Variants in MAMDC4 observed in about 807,000 individuals in gnomAD.
MAMDC4 encodes apical endosomal glycoprotein.
A neutral mutation model predicts 153.3 loss-of-function variants in MAMDC4; 168 were observed. That is an observed-to-expected ratio of 1.10 (90% CI 0.97 to 1.25). The LOEUF is 1.25. Among genes scored for constraint, MAMDC4 ranks in the 50% most tolerant of loss-of-function variants. The pLI, the probability that MAMDC4 is intolerant of heterozygous loss-of-function variation, is 0.00. For missense variants in MAMDC4, 1,701 were observed against 1,542.8 expected, an observed-to-expected ratio of 1.10 and a Z score of -1.72; for synonymous variants, 744 against 651.5, an observed-to-expected ratio of 1.14 and a Z score of -2.16.
In MAMDC4 at chr9:136,858,007, C is replaced by T. The variant is rs574163427; in HGVS notation, c.2493C>T (p.Arg831=). 7.5e-5 allele frequency: 115 copies of T among 1,524,010 alleles called. No homozygotes were observed. In the East Asian group the frequency reaches 1.7e-3, roughly 23 times the overall value. 94.4% of individuals were successfully genotyped at this position (1,524,010 alleles called of 1,614,324 possible). ...CCCTGCGGGTCTACCTGGAGGAGCGCGGGAGGCACCAGGTGCTCAGCCTCA... is the reference window on the plus strand; with the variant it reads ...CCCTGCGGGTCTACCTGGAGGAGCGTGGGAGGCACCAGGTGCTCAGCCTCA... ...PGTLRVYLEE[R]GRHQVLSLSA... The change falls in exon 20 of 27, where the codon CGC becomes CGT. Residue 831 remains arginine (R), a synonymous_variant. Transcript: ENST00000317446.
At chr9:136,855,658 A>T (rs371388650) in intron 12 of MAMDC4, 39 bp downstream of exon 12, 1 of 1,565,850 alleles carries the variant, frequency 6.4e-7, no homozygotes, top group Non-Finnish European at 8.7e-7. Flanking sequence ...CCTGCTGCGG[A>T]GCCAAGGGGG....
At position 136,854,598 on chromosome 9, in the gene MAMDC4, TGGTCCCGGAACCACCGC is replaced by T; in HGVS notation, c.858_874del (p.Trp286CysfsTer5). On this transcript the variant is annotated frameshift_variant, in exon 8 of 27. Coordinates refer to ENST00000317446, the MANE Select transcript of MAMDC4 (RefSeq NM_206920.3). LOFTEE classifies it high-confidence loss of function. Reference sequence around the variant, plus strand: ...GGGCCCATGGAACCGCTCGGAAGGCTGGTCCCGGAACCACCGCGCTGGTGGTCCTGAGCGCCCCTCCT... The same window carrying T: ...GGGCCCATGGAACCGCTCGGAAGGCTGCTGGTGGTCCTGAGCGCCCCTCCT... 6.2e-7 allele frequency: 1 copy of T among 1,607,874 alleles called. No individual in the cohort carries two copies. Among genetic ancestry groups the T allele is most frequent in the Non-Finnish European group, 8.5e-7 (1 of 1,178,002 alleles).
At chr9:136,860,414 G>C in intron 26 of MAMDC4, 148 bp from the exon 27 acceptor site, 3 of 836,502 alleles carry the variant, frequency 3.6e-6, no homozygotes, top group Non-Finnish European at 5.6e-6. Context: ...CCAACTACTC[G>C]GGAGGCTGAG....
Position 136,857,429 on chromosome 9 carries a change from G to A in MAMDC4, c.2169G>A (p.Val723=), listed in dbSNP as rs779529034. Residue 723 remains valine (V), a synonymous_variant, in exon 18 of 27, where the codon GTG becomes GTA. Transcript: ENST00000317446. ...CCATGGCGCTGGACGATGTGGCCGT[G>A]CGGCCGGGCCCCTGCTGGGCCCCTA... is the stretch of plus-strand genomic sequence containing the variant. The part of the protein sequence containing the change: ...HGTMALDDVA[V]RPGPCWAPNY... The A allele has an allele frequency of 1.2e-6, 2 of 1,608,304 alleles. No homozygotes were observed. Among genetic ancestry groups the A allele is most frequent in the Non-Finnish European group, 1.7e-6 (2 of 1,179,914 alleles).
chr9:136,857,613 T>C, intron 18 of MAMDC4, 27 bp downstream of exon 18: 1 of 1,612,176 alleles, frequency 6.2e-7, no homozygotes, highest in Non-Finnish European at 8.5e-7. Flanking sequence ...GGGGCAGGGA[T>C]TGAGGGGCTG....
At chr9:136,857,070 C>T in intron 16 of MAMDC4, 29 bp downstream of exon 16, 1 of 1,605,030 alleles carries the variant, frequency 6.2e-7, no homozygotes, top group African/African-American at 1.3e-5. Context: ...AGGGCAGAGC[C>T]TGTGGGGAGG....
chr9:136,855,683 G>T, intron 12 of MAMDC4, 49 bp from the exon 13 acceptor site: 1 of 1,569,862 alleles, frequency 6.4e-7, no homozygotes, highest in Non-Finnish European at 8.6e-7. Context: ...CGCCGGGGCA[G>T]GCTGAGGACT....
intron 25 of MAMDC4, chr9:136,859,661 A>C: frequency 1.7e-6 from 1 of 603,168 alleles, no homozygotes; most frequent in South Asian, 2.0e-5. Flanking sequence ...TTGGTGAGGG[A>C]AAGAATCTCG....
chr9:136,855,307 C>T lies in MAMDC4; in HGVS notation c.1251C>T (p.Leu417=). The stretch of plus-strand genomic sequence containing the variant: ...GGGGCGTCGTGGGTCTGGACGACCT[C>T]ATCCTGTCTGACCACTGCAGACCAG... The part of the protein sequence containing the change: ...GPGGVVGLDD[L]ILSDHCRPVS... The change falls in exon 11 of 27, where the codon CTC becomes CTT. Residue 417 remains leucine (L), a synonymous_variant. Transcript: ENST00000317446. 1 of 1,607,684 alleles carries T rather than the reference C, an allele frequency of 6.2e-7. No individual in the cohort carries two copies. Among genetic ancestry groups the T allele is most frequent in the South Asian group, 1.1e-5 (1 of 90,400 alleles).
chr9:136,857,271 C>T lies in MAMDC4; in HGVS notation c.2079C>T (p.His693=), dbSNP rs139562121. Residue 693 remains histidine (H), a synonymous_variant, in exon 17 of 27, where the codon CAC becomes CAT. Coordinates refer to ENST00000317446, the MANE Select transcript of MAMDC4 (RefSeq NM_206920.3). ...RWHEAWATLS[H]QPGSHAQYQL... ...ACGAGGCCTGGGCCACCCTTTCCCA[C>T]CAGCCTGGCTCCCATGCCCAGTACC... 64 of 1,602,386 alleles carry T rather than the reference C, an allele frequency of 4.0e-5. No individual in the cohort carries two copies. The African/African-American group carries it at 5.9e-4, about 15-fold the overall frequency.
rs749741206 is a variant in MAMDC4, at chr9:136,854,268, A to G, written c.728A>G (p.Glu243Gly). Residue 243 changes from glutamate (E) to glycine (G), a missense_variant, in exon 7 of 27, where the codon GAG (glutamate) becomes GGG (glycine). Coordinates refer to ENST00000317446, the MANE Select transcript of MAMDC4 (RefSeq NM_206920.3). Reference sequence around the variant, plus strand: ...CACTGCCAGAACAAGGTCTGCGTGGAGCCCCAGCAGCTGTGCGACGGGGAA... The same window carrying G: ...CACTGCCAGAACAAGGTCTGCGTGGGGCCCCAGCAGCTGTGCGACGGGGAA... ...HHHCQNKVCV[E>G]PQQLCDGEDN... The G allele has an allele frequency of 6.2e-7, 1 of 1,610,244 alleles. No homozygotes were observed.
chr9:136,853,802 G>C lies in MAMDC4; in HGVS notation c.480G>C (p.Leu160=). 1 of 1,611,902 alleles carries C rather than the reference G, an allele frequency of 6.2e-7. No individual in the cohort carries two copies. The highest frequency in any genetic ancestry group is 8.5e-7 in the Non-Finnish European group (1 of 1,179,538). ...ATGTGGCTGAACTGCGGGTGGAGCT[G>C]ACCCATGGCGCAGAGACCCTGACCC... ...SGDVAELRVE[L]THGAETLTLW... is the part of the protein sequence containing the mutation. The change falls in exon 5 of 27, where the codon CTG becomes CTC. Residue 160 remains leucine (L), a synonymous_variant. Coordinates refer to ENST00000317446, the MANE Select transcript of MAMDC4 (RefSeq NM_206920.3).
At position 136,859,078 on chromosome 9, in the gene MAMDC4, G is replaced by GCGGCACCA. The variant is rs756156276; in HGVS notation, c.3031_3038dup (p.Gln1013HisfsTer12). On this transcript the variant is annotated frameshift_variant, in exon 24 of 27. Coordinates refer to ENST00000317446, the MANE Select transcript of MAMDC4 (RefSeq NM_206920.3). LOFTEE classifies it high-confidence loss of function. ...CTGTGTGGGGCGCAGGCGGGCATCGGCGGCACCAGTGGCTGGAGGCCCAGG... is the reference window on the plus strand; with the variant it reads ...CTGTGTGGGGCGCAGGCGGGCATCGGCGGCACCACGGCACCAGTGGCTGGAGGCCCAGG... 2.8e-5 allele frequency: 44 copies of GCGGCACCA among 1,557,560 alleles called. No individual in the cohort carries two copies. The highest frequency in any genetic ancestry group is 3.6e-5 in the Non-Finnish European group (41 of 1,150,028).
In MAMDC4 at chr9:136,857,919, CAG is replaced by C. The variant is rs1195721773; in HGVS notation, c.2465-58_2465-57del. 4.1e-6 allele frequency: 6 copies of C among 1,472,050 alleles called. No individual in the cohort carries two copies. The East Asian group carries it at 1.5e-4, about 36-fold the overall frequency. The allele number at this position is 1,472,050 out of a possible 1,614,324, so 91.2% of individuals were successfully genotyped here. The stretch of plus-strand genomic sequence containing the variant: ...CCGCCAGGCTGGGAGCCTGGGAGCT[CAG>C]ACCAGGGCCTGCAGGTGCTCTCCCC... On this transcript the variant is annotated intron_variant, in intron 19 of 26. Coordinates refer to ENST00000317446, the MANE Select transcript of MAMDC4 (RefSeq NM_206920.3).
At chr9:136,855,212 G>T (rs528128698) in intron 10 of MAMDC4, 42 bp from the exon 11 acceptor site, 4 of 1,578,506 alleles carry the variant, frequency 2.5e-6, no homozygotes, top group Non-Finnish European at 3.4e-6. Flanking sequence ...CAGACCCCAG[G>T]GGGAAATAGG....
At position 136,855,516 on chromosome 9, in the gene MAMDC4, C is replaced by T. The variant is rs371963630; in HGVS notation, c.1368C>T (p.Ser456=). 50 of 1,594,556 alleles carry T rather than the reference C, an allele frequency of 3.1e-5. No homozygotes were observed. The East Asian group carries it at 8.6e-4, about 28-fold the overall frequency. Residue 456 remains serine, a synonymous_variant, in exon 12 of 27, where the codon TCC becomes TCT. Coordinates refer to ENST00000317446, the MANE Select transcript of MAMDC4 (RefSeq NM_206920.3). ...CGCCCAGCTCGCGGCTCCAGGATTC[C>T]TGCAAGCAGGGGCATCTTGCCTGCG... ...PLPPSSRLQD[S]CKQGHLACGD...
rs370648872 is a variant in MAMDC4 at position 136,860,082 on chromosome 9, T to C, written c.3372+18T>C. On this transcript the variant is annotated intron_variant, in intron 26 of 26. Transcript: ENST00000317446. Reference sequence around the variant, plus strand: ...TCAATGCGGTAGGAGCCCCTGGGGATGGGTGGGCAGGAGCCTCTGTGCTCA... The same window carrying C: ...TCAATGCGGTAGGAGCCCCTGGGGACGGGTGGGCAGGAGCCTCTGTGCTCA... The C allele has an allele frequency of 2.0e-6, 3 of 1,537,244 alleles. No homozygotes were observed. The highest frequency in any genetic ancestry group is 2.7e-5 in the African/African-American group (2 of 73,380).
At chr9:136,859,814 GC>G in intron 25 of MAMDC4, 71 bp from the exon 26 acceptor site, 1 of 1,534,312 alleles carries the variant, frequency 6.5e-7, no homozygotes. Flanking sequence ...GGACCATGCA[GC>G]CCCAGGCTTC....
rs749555249 is a variant in MAMDC4 at position 136,855,461 on chromosome 9, G to A, written c.1313G>A (p.Gly438Glu). Residue 438 changes from glycine (G) to glutamate (E), a missense_variant, in exon 12 of 27, where the codon GGG (glycine) becomes GAG (glutamate). Physicochemically the swap from Gly to Glu is moderately conservative, Grantham distance 98. Transcript: ENST00000317446. ...EVSTLQPLPP[G>E]PRAPAPQPLP... is the part of the protein sequence containing the mutation. ...TCCACCCTGCAGCCGCTGCCTCCTG[G>A]GCCCCGGGCCCCAGCCCCCCAGCCC... 6 of 1,608,192 alleles carry A rather than the reference G, an allele frequency of 3.7e-6. No homozygotes were observed. The Admixed American group carries it at 1.0e-4, about 27-fold the overall frequency.
Sources: allele counts gnomAD v4.1 joint callset, GRCh38; gene constraint gnomAD v4.1.1; transcripts MANE v1.5; gene names NCBI Gene and HGNC (gene_info 2026-07-23, HGNC 2026-07-21).